The following HPSE2 variants were observed in gnomAD, a reference collection of about 807,000 sequenced individuals.
HPSE2 encodes heparanase 2 (inactive), also known as inactive heparanase-2.
HPSE2 carries 38 observed loss-of-function variants against 60.5 expected under a neutral mutation model. That is an observed-to-expected ratio of 0.63 (90% CI 0.48 to 0.82). The LOEUF (loss-of-function observed/expected upper bound fraction) is 0.82. HPSE2 is among the 40% of genes least tolerant of loss of function. The pLI, the probability that HPSE2 is intolerant of heterozygous loss-of-function variation, is 0.00. For synonymous variants in HPSE2, 295 were observed against 293.2 expected, an observed-to-expected ratio of 1.01 and a Z score of -0.06; for missense variants, 713 against 740.4, an observed-to-expected ratio of 0.96 and a Z score of 0.43.
intron 9 of HPSE2, among the ~76,000 whole-genome samples, chr10:98,588,388 T>C (rs1228866458): frequency 6.6e-6 from 1 of 152,088 alleles, no homozygotes; most frequent in Non-Finnish European, 1.5e-5. Flanking sequence ...GTTTGACTTT[T>C]CATATGGAGC....
chr10:98,466,966 C>T (rs746632776), intron 11 of HPSE2, among the ~76,000 whole-genome samples: 2 of 152,172 alleles, frequency 1.3e-5, no homozygotes, highest in East Asian at 1.9e-4. Flanking sequence ...CTCTAGCTCC[C>T]GCCCCTTCCA....
At chr10:98,652,370 T>C (rs1946941331) in intron 6 of HPSE2, among the ~76,000 whole-genome samples, 1 of 152,200 alleles carries the variant, frequency 6.6e-6, no homozygotes, top group Non-Finnish European at 1.5e-5. Context: ...TACATCTGTG[T>C]ATCCTACTAA....
chr10:99,020,186 T>C (rs1337545715), intron 3 of HPSE2, among the ~76,000 whole-genome samples: 4 of 152,210 alleles, frequency 2.6e-5, no homozygotes, highest in Non-Finnish European at 5.9e-5. Flanking sequence ...GGCATTATAC[T>C]AGTGGTTACA....
the HPSE2 span, among the ~76,000 whole-genome samples, chr10:99,296,344 TTCAATCAG>T: frequency 7.3e-4 from 111 of 152,322 alleles, 1 homozygote; most frequent in East Asian, 0.016. Context: ...GGAAGCAGCT[TTCAATCAG>T]ATGCCCCCCC....
At chr10:99,019,755 G>A (rs1957220886) in intron 3 of HPSE2, among the ~76,000 whole-genome samples, 1 of 151,602 alleles carries the variant, frequency 6.6e-6, no homozygotes, top group Non-Finnish European at 1.5e-5. Context: ...TGTCCCCCAG[G>A]CTGGAGTGCA....
At chr10:99,286,337 T>C in the HPSE2 span, among the ~76,000 whole-genome samples, 1 of 152,188 alleles carries the variant, frequency 6.6e-6, no homozygotes, top group African/African-American at 2.4e-5. Context: ...TATCATCAGA[T>C]GAATGGATAA....
At chr10:99,249,978 C>T in the HPSE2 span, among the ~76,000 whole-genome samples, 1 of 151,892 alleles carries the variant, frequency 6.6e-6, no homozygotes, top group African/African-American at 2.4e-5. Flanking sequence ...CCTGTCTCTA[C>T]TAAAAAATAC....
the HPSE2 span, among the ~76,000 whole-genome samples, chr10:99,270,590 C>T: frequency 6.6e-6 from 1 of 152,134 alleles, no homozygotes; most frequent in Non-Finnish European, 1.5e-5. Flanking sequence ...ATCCTACTGA[C>T]ACTATTCCAC....
the HPSE2 span, among the ~76,000 whole-genome samples, chr10:99,248,851 A>C: frequency 6.6e-6 from 1 of 152,238 alleles, no homozygotes; most frequent in Admixed American, 6.5e-5. Flanking sequence ...AGCCATGGCT[A>C]AAAGAGCCCC....
intron 2 of HPSE2, among the ~76,000 whole-genome samples, chr10:99,230,479 G>A (rs1233041466): frequency 2.0e-5 from 3 of 151,974 alleles, no homozygotes; most frequent in Non-Finnish European, 4.4e-5. Flanking sequence ...TCCTATACTG[G>A]CCCCTAACGT....
At chr10:98,481,408 A>G (rs1171730366) in intron 11 of HPSE2, among the ~76,000 whole-genome samples, 1 of 152,200 alleles carries the variant, frequency 6.6e-6, no homozygotes, top group Non-Finnish European at 1.5e-5. Context: ...GACCAGAACC[A>G]GGTCTCCTGC....
chr10:98,473,140 T>C (rs149847723), intron 11 of HPSE2, among the ~76,000 whole-genome samples: 1 of 152,280 alleles, frequency 6.6e-6, no homozygotes, highest in Non-Finnish European at 1.5e-5. Flanking sequence ...AAAATGTTCA[T>C]ATTTCCTCCT....
intron 11 of HPSE2, 105 bp from the exon 12 acceptor site, chr10:98,459,844 AG>A: frequency 9.6e-7 from 1 of 1,043,546 alleles, no homozygotes; most frequent in Non-Finnish European, 1.5e-6. Context: ...ACACACACAC[AG>A]CTGACACTTA....
chr10:98,794,269 C>G (rs1233809373), intron 3 of HPSE2, among the ~76,000 whole-genome samples: 7 of 148,484 alleles, frequency 4.7e-5, no homozygotes, highest in Non-Finnish European at 8.9e-5. Flanking sequence ...GAGACAGAGT[C>G]TCACTCTGTC....
chr10:98,513,363 G>A (rs1296014481), intron 9 of HPSE2, among the ~76,000 whole-genome samples: 3 of 152,194 alleles, frequency 2.0e-5, no homozygotes, highest in African/African-American at 2.4e-5. Flanking sequence ...GGAGCAGCCA[G>A]TGGCAGCAGT....
intron 9 of HPSE2, among the ~76,000 whole-genome samples, chr10:98,506,989 G>A (rs542906316): frequency 4.6e-5 from 7 of 152,240 alleles, no homozygotes; most frequent in East Asian, 3.9e-4. Context: ...TATGCTTCTC[G>A]TATACTGTAG....
intron 3 of HPSE2, among the ~76,000 whole-genome samples, chr10:98,933,879 C>T (rs1954713487): frequency 7.1e-6 from 1 of 141,248 alleles, no homozygotes; most frequent in South Asian, 2.1e-4. Flanking sequence ...CTACAGGCGC[C>T]CACCACCACA....
chr10:98,969,010 T>C (rs1955882835), intron 3 of HPSE2, among the ~76,000 whole-genome samples: 1 of 152,058 alleles, frequency 6.6e-6, no homozygotes, highest in African/African-American at 2.4e-5. Context: ...CATAAATAAA[T>C]AAATATCACA....
At position 99,028,481 on chromosome 10, in the gene HPSE2, A is replaced by G. The variant is rs148567498; in HGVS notation, c.610+115757T>C. Among the ~76,000 whole-genome samples the G allele has an allele frequency of 1.3e-3, 194 of 152,330 alleles. 1 individual carries two copies. Among genetic ancestry groups the G allele is most frequent in the Middle Eastern group, 0.01 (3 of 294 alleles). On this transcript the variant is annotated intron_variant, in intron 3 of 11. Transcript: ENST00000370552. ...TACAAAACACTGATGAAAGAAATTG[A>G]AGAGGTCATCAAAGAATGGAAAAAT...
Sources: allele counts gnomAD v4.1 joint callset (sites outside exome capture counted in the v4.1 genomes callset), GRCh38; gene constraint gnomAD v4.1.1; transcripts MANE v1.5; gene names NCBI Gene and HGNC (gene_info 2026-07-23, HGNC 2026-07-21).